Variants in ACTA2 observed in about 807,000 individuals in gnomAD.
ACTA2 encodes the protein actin alpha 2, smooth muscle.
ACTA2 carries 12 observed loss-of-function variants against 39.5 expected under a neutral mutation model. That is an observed-to-expected ratio of 0.30 (90% CI 0.19 to 0.49). The LOEUF is 0.49. Ranked by LOEUF, ACTA2 falls within the 20% of genes least tolerant of loss-of-function variation. ACTA2 has a pLI of 0.99. For missense variants in ACTA2, 236 were observed against 498.8 expected (o/e 0.47, Z 5.02); for synonymous variants, 158 against 180.6 (o/e 0.88, Z 1.00).
intron 1 of ACTA2, among the ~76,000 whole-genome samples, chr10:88,962,522 G>A (rs912392214): frequency 1.4e-4 from 22 of 152,132 alleles, no homozygotes; most frequent in Admixed American, 2.0e-4. Context: ...TCTTAGATGT[G>A]GTTCTGTAAG....
upstream of ACTA2, among the ~76,000 whole-genome samples, chr10:88,955,232 T>G (rs556568315): frequency 6.6e-6 from 1 of 152,348 alleles, no homozygotes; most frequent in East Asian, 1.9e-4. Flanking sequence ...GGGGCAGCAC[T>G]CTGTAGATTT....
chr10:88,986,318 A>C (rs1159305120), intron 1 of ACTA2, among the ~76,000 whole-genome samples: 1 of 152,056 alleles, frequency 6.6e-6, no homozygotes, highest in Non-Finnish European at 1.5e-5. Context: ...TTTTCAGGGG[A>C]CCACCATATG....
At chr10:88,978,169 T>A (rs1286090783) in intron 1 of ACTA2, among the ~76,000 whole-genome samples, 2 of 124,434 alleles carry the variant, frequency 1.6e-5, no homozygotes, top group African/African-American at 6.1e-5. Flanking sequence ...AAACACCGCA[T>A]ATTCTCACTC....
chr10:88,980,298 ACTTCAGGC>A (rs145975413), intron 1 of ACTA2, among the ~76,000 whole-genome samples: 1,607 of 152,316 alleles, frequency 0.011, 17 homozygotes, highest in African/African-American at 0.036. Context: ...GATGGTTGAC[ACTTCAGGC>A]CTTCTTTGAA....
intron 1 of ACTA2, among the ~76,000 whole-genome samples, chr10:88,963,403 A>T (rs1433688863): frequency 3.8e-5 from 4 of 106,316 alleles, no homozygotes; most frequent in African/African-American, 1.5e-4. Context: ...AAAGTAGTTT[A>T]TTTCTTACTC....
At chr10:88,983,924 C>T (rs1216906828) in intron 1 of ACTA2, among the ~76,000 whole-genome samples, 4 of 152,166 alleles carry the variant, frequency 2.6e-5, no homozygotes, top group African/African-American at 9.7e-5. Context: ...ATTTCTCCCT[C>T]AGTTTACTGT....
rs1847113019 is a variant in ACTA2, at chr10:88,990,660, A to G, written c.-24+279T>C. On this transcript the variant is annotated intron_variant, in intron 1 of 4. Coordinates refer to the ACTA2 transcript ENST00000415557. The surrounding 1 kb of genome is among the most constrained non-coding windows in gnomAD (Gnocchi z 4.9). The stretch of plus-strand genomic sequence containing the variant: ...GTGAGCTCGTCTCTGATCTCGCGCA[A>G]GAGTGACACACAGGTGTTCAAAGAC... The G allele has an allele frequency of 1.4e-6, 1 of 700,088 alleles. No homozygotes were observed. The highest frequency in any genetic ancestry group is 2.6e-6 in the Non-Finnish European group (1 of 385,414). 43.4% of individuals were successfully genotyped at this position (700,088 alleles called of 1,614,324 possible).
upstream of ACTA2, among the ~76,000 whole-genome samples, chr10:88,957,525 C>T (rs1371110749): frequency 1.3e-5 from 2 of 152,148 alleles, no homozygotes; most frequent in Non-Finnish European, 1.5e-5. Context: ...GCCTTATCTA[C>T]CCCAACTCAC....
At chr10:88,944,149 G>T (rs926438200) in intron 3 of ACTA2, among the ~76,000 whole-genome samples, 1 of 152,198 alleles carries the variant, frequency 6.6e-6, no homozygotes, top group Non-Finnish European at 1.5e-5. Context: ...TGTGAGGCAG[G>T]ATGGTATGGC....
intron 1 of ACTA2, chr10:88,973,086 T>A: frequency 7.3e-7 from 1 of 1,373,814 alleles, no homozygotes. Flanking sequence ...TTTCAAAAAA[T>A]AATTTTAACT....
chr10:88,941,785 C>T lies in ACTA2; in HGVS notation c.454G>A (p.Gly152Ser), dbSNP rs1845858835. The change falls in exon 5 of 9, where the codon GGC (glycine) becomes AGC (serine). Residue 152 changes from glycine (G) to serine (S), a missense_variant and splice_region_variant. Physicochemically the swap from Gly to Ser is moderately conservative, Grantham distance 56 (BLOSUM62 0). Coordinates refer to ENST00000224784, the MANE Select transcript of ACTA2 (RefSeq NM_001613.4). Reference protein sequence around the residue: ...LSLYASGRTTGIVLDSGDGVT... With the variant: ...LSLYASGRTTSIVLDSGDGVT... ...CTTGCTGTCCCGCCCAGCCACCTAC[C>T]AGTTGTGCGTCCAGAGGCATAGAGA... 6.2e-7 allele frequency: 1 copy of T among 1,611,130 alleles called. No homozygotes were observed. Among genetic ancestry groups the T allele is most frequent in the Non-Finnish European group, 8.5e-7 (1 of 1,178,692 alleles).
At chr10:88,943,585 A>T (rs1845893952) in intron 4 of ACTA2, 2 of 624,418 alleles carry the variant, frequency 3.2e-6, no homozygotes, top group Middle Eastern at 4.2e-4. Flanking sequence ...TAAATTTCCT[A>T]TTGCTTTTGG....
At chr10:88,952,348 T>TCAGAAC (rs1846065406) in intron 1 of ACTA2, among the ~76,000 whole-genome samples, 1 of 152,002 alleles carries the variant, frequency 6.6e-6, no homozygotes, top group African/African-American at 2.4e-5. Flanking sequence ...CTACAACAAA[T>TCAGAAC]CAGAACCAGA....
chr10:88,954,494 G>C (rs569539754), upstream of ACTA2, among the ~76,000 whole-genome samples: 1 of 152,264 alleles, frequency 6.6e-6, no homozygotes, highest in South Asian at 2.1e-4. Flanking sequence ...TTCTTGAGTA[G>C]GAGGGCAATT....
chr10:88,986,122 T>A (rs1029589226), intron 1 of ACTA2, among the ~76,000 whole-genome samples: 1 of 152,196 alleles, frequency 6.6e-6, no homozygotes, highest in African/African-American at 2.4e-5. Flanking sequence ...ACAAGTAGAC[T>A]ACAGAAATGG....
chr10:88,957,233 G>A (rs1846151975), upstream of ACTA2, among the ~76,000 whole-genome samples: 1 of 152,128 alleles, frequency 6.6e-6, no homozygotes. Context: ...TCTAGATAAT[G>A]TAATGTATTT....
At chr10:88,963,117 A>T (rs1846264032) in intron 1 of ACTA2, among the ~76,000 whole-genome samples, 1 of 151,488 alleles carries the variant, frequency 6.6e-6, no homozygotes, top group Admixed American at 6.6e-5. Context: ...ACCTCCCACC[A>T]GGTCACTTCC....
At chr10:88,940,468 C>T (rs1845828203) in intron 6 of ACTA2, 1 of 155,504 alleles carries the variant, frequency 6.4e-6, no homozygotes, top group African/African-American at 2.4e-5. Flanking sequence ...GGGTTCAAGT[C>T]TCAAGCCTCA....
chr10:88,944,478 G>T (rs1331279807), intron 3 of ACTA2, among the ~76,000 whole-genome samples: 1 of 152,226 alleles, frequency 6.6e-6, no homozygotes, highest in Non-Finnish European at 1.5e-5. Context: ...ACAAATGAAT[G>T]TATATATGAA....
Sources: gnomAD v4.1 joint callset for allele counts (sites outside exome capture counted in the v4.1 genomes callset) on GRCh38, gnomAD v4.1.1 for gene constraint, Gnocchi (gnomAD v3.1) non-coding constraint, MANE v1.5 for transcripts, NCBI Gene and HGNC (gene_info 2026-07-23, HGNC 2026-07-21) for gene names.